Variants in TLL2 observed in about 807,000 individuals in gnomAD.
TLL2 encodes tolloid-like protein 2.
TLL2 carries 106 observed loss-of-function variants against 123.0 expected under a neutral mutation model. That is an observed-to-expected ratio of 0.86 (90% CI 0.74 to 1.01). TLL2 has a LOEUF of 1.01. Among genes scored for constraint, TLL2 ranks in the 50% least tolerant of loss-of-function variants. The probability of loss-of-function intolerance (pLI) is 0.00; values close to 1 mark genes in which losing one functional copy is unlikely to be tolerated. For missense variants in TLL2, 1,332 were observed against 1,336.7 expected (o/e 1.00, Z 0.06); for synonymous variants, 494 against 516.8 (o/e 0.96, Z 0.60).
At position 96,365,676 on chromosome 10, in the gene TLL2, C is replaced by T. The variant is rs1449900435; in HGVS notation, c.*2412G>A. 1 of 152,238 alleles carries T rather than the reference C, an allele frequency of 6.6e-6. No homozygotes were observed. Among genetic ancestry groups the T allele is most frequent in the African/African-American group, 2.4e-5 (1 of 41,464 alleles). The allele number at this position is 152,238 out of a possible 1,614,324, so 9.4% of individuals were successfully genotyped here. On this transcript the variant is annotated 3_prime_UTR_variant, in exon 21 of 21. Coordinates refer to ENST00000357947, the MANE Select transcript of TLL2 (RefSeq NM_012465.4). ...CCTGGGACTTTCTGCTGAATGGACT[C>T]TCTCTAGTGAAGCCAGCCTCTAGTT...
intron 1 of TLL2, among the ~76,000 whole-genome samples, chr10:96,496,362 G>C (rs1008968989): frequency 6.6e-6 from 1 of 152,182 alleles, no homozygotes; most frequent in Admixed American, 6.5e-5. Context: ...TTACCCATTT[G>C]TTCCAGCTAA....
chr10:96,476,557 T>C (rs56822292), intron 2 of TLL2, among the ~76,000 whole-genome samples: 62,899 of 150,816 alleles, frequency 0.42, 13,586 homozygotes, highest in East Asian at 0.73. Context: ...TCACCGCACC[T>C]GGCCTGTGAT....
intron 2 of TLL2, among the ~76,000 whole-genome samples, chr10:96,472,589 T>A (rs924878997): frequency 4.6e-5 from 7 of 151,652 alleles, no homozygotes; most frequent in African/African-American, 1.7e-4. Flanking sequence ...ACATGACATC[T>A]CGTCTCCACA....
chr10:96,421,234 C>T lies in TLL2; in HGVS notation c.818-173G>A, dbSNP rs147758354. Among the ~76,000 whole-genome samples the T allele has an allele frequency of 2.0e-5, 3 of 152,232 alleles. No individual in the cohort carries two copies. The East Asian group carries it at 5.8e-4, about 29-fold the overall frequency. On this transcript the variant is annotated intron_variant, in intron 6 of 20. Coordinates refer to ENST00000357947, the MANE Select transcript of TLL2 (RefSeq NM_012465.4). ...GTTTTTAATAATTAGAAATTTGAAACCTCCAGCAAGCCCTGTGTTCTCCCA... is the reference window on the plus strand; with the variant it reads ...GTTTTTAATAATTAGAAATTTGAAATCTCCAGCAAGCCCTGTGTTCTCCCA...
chr10:96,372,422 G>A (rs534504867), intron 19 of TLL2, among the ~76,000 whole-genome samples: 1 of 152,264 alleles, frequency 6.6e-6, no homozygotes, highest in African/African-American at 2.4e-5. Flanking sequence ...GGACACAATT[G>A]TACATCAGGA....
intron 1 of TLL2, among the ~76,000 whole-genome samples, chr10:96,491,010 C>T (rs1338660371): frequency 6.6e-6 from 1 of 152,166 alleles, no homozygotes; most frequent in African/African-American, 2.4e-5. Context: ...TTCGACATGG[C>T]TGTAGTGAAG....
intron 8 of TLL2, among the ~76,000 whole-genome samples, chr10:96,410,967 C>T (rs981005908): frequency 6.6e-6 from 1 of 151,964 alleles, no homozygotes; most frequent in African/African-American, 2.4e-5. Flanking sequence ...AGAGGCCAGG[C>T]GTGGTGGCTC....
At chr10:96,472,251 C>T (rs1398183956) in intron 2 of TLL2, among the ~76,000 whole-genome samples, 3 of 152,118 alleles carry the variant, frequency 2.0e-5, no homozygotes, top group South Asian at 2.1e-4. Flanking sequence ...TCCAGCCTGA[C>T]GTTCATTCAC....
At chr10:96,459,847 G>C (rs4589222) in intron 2 of TLL2, among the ~76,000 whole-genome samples, 1 of 148,772 alleles carries the variant, frequency 6.7e-6, no homozygotes, top group Non-Finnish European at 1.5e-5. Context: ...TGAAATAGAT[G>C]GTACTGAGAT....
intron 10 of TLL2, among the ~76,000 whole-genome samples, chr10:96,403,052 C>G (rs78709734): frequency 0.02 from 3,101 of 152,276 alleles, 102 homozygotes; most frequent in African/African-American, 0.068. Flanking sequence ...TTAGACTTGT[C>G]CAAGCCAGAG....
intron 2 of TLL2, 95 bp downstream of exon 2, chr10:96,480,254 A>C: frequency 9.9e-7 from 1 of 1,006,502 alleles, no homozygotes; most frequent in Non-Finnish European, 1.5e-6. Context: ...TTAGACTAGC[A>C]AGTCAAACAC....
intron 3 of TLL2, among the ~76,000 whole-genome samples, chr10:96,438,351 T>C (rs1429609752): frequency 6.6e-6 from 1 of 152,244 alleles, no homozygotes; most frequent in African/African-American, 2.4e-5. Context: ...TATATCCAAG[T>C]ATTTCATCTT....
chr10:96,512,405 T>C (rs1482052588), intron 1 of TLL2, among the ~76,000 whole-genome samples: 2 of 152,224 alleles, frequency 1.3e-5, no homozygotes, highest in South Asian at 2.1e-4. Flanking sequence ...CTGGAACTGA[T>C]AGAGGTTTCC....
chr10:96,464,166 C>A (rs560682620), intron 2 of TLL2, among the ~76,000 whole-genome samples: 2 of 152,128 alleles, frequency 1.3e-5, no homozygotes, highest in East Asian at 3.9e-4. Context: ...AGTAGGATTA[C>A]TTGAGTCAGG....
intron 2 of TLL2, among the ~76,000 whole-genome samples, chr10:96,459,774 G>A (rs1381556972): frequency 8.0e-6 from 1 of 124,448 alleles, no homozygotes; most frequent in African/African-American, 3.0e-5. Flanking sequence ...GGATATAAAT[G>A]CTAACTCTAT....
intron 3 of TLL2, among the ~76,000 whole-genome samples, chr10:96,438,598 CA>C (rs1230586044): frequency 2.6e-5 from 4 of 152,164 alleles, no homozygotes; most frequent in Non-Finnish European, 5.9e-5. Context: ...ATGTCATTTA[CA>C]AACAGGGACA....
At chr10:96,393,407 TA>T (rs1846307640) in intron 13 of TLL2, among the ~76,000 whole-genome samples, 1 of 152,252 alleles carries the variant, frequency 6.6e-6, no homozygotes, top group Admixed American at 6.5e-5. Flanking sequence ...TGACTTGCAC[TA>T]TTCCATTTTC....
At chr10:96,490,096 CA>C (rs1046497199) in intron 1 of TLL2, among the ~76,000 whole-genome samples, 2 of 146,232 alleles carry the variant, frequency 1.4e-5, no homozygotes, top group South Asian at 4.3e-4. Context: ...GACTCTGTCT[CA>C]AAAAAAAATA....
chr10:96,386,347 CA>C, intron 14 of TLL2, 132 bp from the exon 15 acceptor site: 1 of 947,614 alleles, frequency 1.1e-6, no homozygotes, highest in South Asian at 2.6e-5. Context: ...CTGATTAATT[CA>C]GTGTCCTTTG....
Sources: gnomAD v4.1 joint callset for allele counts (sites outside exome capture counted in the v4.1 genomes callset) on GRCh38, gnomAD v4.1.1 for gene constraint, MANE v1.5 for transcripts, NCBI Gene and HGNC (gene_info 2026-07-23, HGNC 2026-07-21) for gene names.